Variants in KIAA1549L observed in about 807,000 individuals in gnomAD.
KIAA1549L encodes KIAA1549 like.
KIAA1549L carries 88 observed loss-of-function variants against 160.7 expected under a neutral mutation model. That is an observed-to-expected ratio of 0.55 (90% CI 0.46 to 0.65). KIAA1549L has a LOEUF of 0.65. Among genes scored for constraint, KIAA1549L ranks in the 30% least tolerant of loss-of-function variants. KIAA1549L has a pLI of 0.00. For missense variants in KIAA1549L, 2,258 were observed against 2,437.5 expected, an observed-to-expected ratio of 0.93 and a Z score of 1.55; for synonymous variants, 950 against 976.7, an observed-to-expected ratio of 0.97 and a Z score of 0.51.
chr11:33,447,623 G>GCACA (rs56839961), intron 1 of KIAA1549L, among the ~76,000 whole-genome samples: 21,157 of 147,248 alleles, frequency 0.14, 1,673 homozygotes, highest in Middle Eastern at 0.29. Context: ...ACATGAACTT[G>GCACA]CACACACACA....
intron 7 of KIAA1549L, among the ~76,000 whole-genome samples, chr11:33,561,079 A>G (rs769332232): frequency 2.6e-5 from 4 of 152,194 alleles, no homozygotes; most frequent in Non-Finnish European, 5.9e-5. Flanking sequence ...TAGGCCCCAT[A>G]CTTGTAAAGA....
intron 7 of KIAA1549L, among the ~76,000 whole-genome samples, chr11:33,560,645 G>A (rs967268327): frequency 6.6e-6 from 1 of 152,192 alleles, no homozygotes; most frequent in African/African-American, 2.4e-5. Flanking sequence ...TTATTTGGTA[G>A]CCAAAGGATG....
chr11:33,574,949 A>C, intron 10 of KIAA1549L, 76 bp downstream of exon 10: 1 of 1,244,296 alleles, frequency 8.0e-7, no homozygotes. Flanking sequence ...ATTCCCCAAA[A>C]TCATGTTAAT....
chr11:33,625,807 TG>T (rs1483153968), intron 16 of KIAA1549L, among the ~76,000 whole-genome samples: 1 of 152,224 alleles, frequency 6.6e-6, no homozygotes, highest in East Asian at 1.9e-4. Flanking sequence ...CCATTGCTTT[TG>T]GTGTTTTAGA....
Position 33,542,433 on chromosome 11 carries a change from C to T in KIAA1549L, c.870C>T (p.Pro290=), listed in dbSNP as rs1854050546. 2 of 1,592,350 alleles carry T rather than the reference C, an allele frequency of 1.3e-6. No individual in the cohort carries two copies. Among genetic ancestry groups the T allele is most frequent in the African/African-American group, 2.7e-5 (2 of 74,568 alleles). The change falls in exon 2 of 21, where the codon CCC becomes CCT. Residue 290 remains proline (P), a synonymous_variant. Transcript: ENST00000658780. ...CTTTAGGTCAGAACATAGCTAATCC[C>T]TTAATCCCATTTTCTGATGAAATGG... ...DPSLGQNIAN[P]LIPFSDEMDH... is the part of the protein sequence containing the mutation.
intron 5 of KIAA1549L, among the ~76,000 whole-genome samples, chr11:33,551,622 C>T (rs1185315121): frequency 1.3e-5 from 2 of 151,666 alleles, no homozygotes; most frequent in South Asian, 4.2e-4. Context: ...ATTCCAGATA[C>T]CACTGAATGA....
chr11:33,609,989 T>C, intron 15 of KIAA1549L, 23 bp downstream of exon 15: 2 of 1,581,836 alleles, frequency 1.3e-6, no homozygotes, highest in Non-Finnish European at 1.7e-6. Flanking sequence ...AGGGATTCTG[T>C]AAAGGGTGCT....
intron 1 of KIAA1549L, among the ~76,000 whole-genome samples, chr11:33,432,156 G>A (rs918442849): frequency 4.6e-5 from 7 of 152,200 alleles, no homozygotes; most frequent in African/African-American, 1.7e-4. Context: ...CTGAGGGAGT[G>A]GGCTCTGGCC....
intron 1 of KIAA1549L, among the ~76,000 whole-genome samples, chr11:33,530,121 G>A (rs1231162892): frequency 2.0e-5 from 3 of 151,826 alleles, no homozygotes; most frequent in Admixed American, 6.6e-5. Flanking sequence ...GGGGCCGGGC[G>A]CGGTGGCTCA....
intron 1 of KIAA1549L, among the ~76,000 whole-genome samples, chr11:33,474,203 G>A (rs1016881970): frequency 3.3e-5 from 5 of 152,188 alleles, no homozygotes; most frequent in Non-Finnish European, 4.4e-5. Context: ...CTCCAACATC[G>A]AAAATTACAT....
intron 1 of KIAA1549L, among the ~76,000 whole-genome samples, chr11:33,428,967 T>C (rs1046415642): frequency 3.3e-5 from 5 of 151,942 alleles, no homozygotes; most frequent in Non-Finnish European, 2.9e-5. Flanking sequence ...TGAGGTGGTA[T>C]CTCGTTTTGT....
intron 1 of KIAA1549L, among the ~76,000 whole-genome samples, chr11:33,506,917 C>A (rs1209225806): frequency 6.6e-5 from 10 of 152,080 alleles, no homozygotes; most frequent in African/African-American, 2.4e-4. Flanking sequence ...AAACCAGGGC[C>A]TAGGTTAGTG....
chr11:33,617,933 G>GGATGGATA (rs1303744906), intron 15 of KIAA1549L, among the ~76,000 whole-genome samples: 1 of 152,112 alleles, frequency 6.6e-6, no homozygotes, highest in African/African-American at 2.4e-5. Context: ...ATGGATGGAT[G>GGATGGATA]GATGGATAGG....
chr11:33,441,575 G>A (rs1374030022), intron 1 of KIAA1549L, among the ~76,000 whole-genome samples: 1 of 152,010 alleles, frequency 6.6e-6, no homozygotes, highest in Non-Finnish European at 1.5e-5. Flanking sequence ...ATCCTCTCCA[G>A]CACCTGTTGT....
At chr11:33,422,930 G>T (rs1211492421) in intron 1 of KIAA1549L, among the ~76,000 whole-genome samples, 1 of 152,074 alleles carries the variant, frequency 6.6e-6, no homozygotes, top group Non-Finnish European at 1.5e-5. Flanking sequence ...TTTCTGGATG[G>T]CTGAGCCTGT....
chr11:33,488,668 G>A (rs1852586198), intron 1 of KIAA1549L, among the ~76,000 whole-genome samples: 1 of 152,212 alleles, frequency 6.6e-6, no homozygotes, highest in Non-Finnish European at 1.5e-5. Context: ...TACTAACCAG[G>A]AAGTAACAGA....
At chr11:33,639,551 T>G (rs1851531881) in intron 16 of KIAA1549L, among the ~76,000 whole-genome samples, 2 of 152,196 alleles carry the variant, frequency 1.3e-5, no homozygotes, top group African/African-American at 4.8e-5. Context: ...TTATTATTAT[T>G]ATTTTTGAGA....
chr11:33,660,586 C>T (rs895603561), intron 19 of KIAA1549L, among the ~76,000 whole-genome samples: 2 of 151,354 alleles, frequency 1.3e-5, no homozygotes. Flanking sequence ...AGAAAGAAGA[C>T]CAGGTTTCCT....
chr11:33,383,249 C>A (rs138728943), intron 1 of KIAA1549L, among the ~76,000 whole-genome samples: 3 of 151,658 alleles, frequency 2.0e-5, no homozygotes, highest in African/African-American at 4.8e-5. Context: ...AACCTTCAAG[C>A]CCATATTGTG....
Sources: allele counts gnomAD v4.1 joint callset (sites outside exome capture counted in the v4.1 genomes callset), GRCh38; gene constraint gnomAD v4.1.1; transcripts MANE v1.5; gene names NCBI Gene and HGNC (gene_info 2026-07-23, HGNC 2026-07-21).